The following ZNF385D variants were observed in gnomAD, a reference collection of about 807,000 sequenced individuals.
The protein encoded by ZNF385D is zinc finger protein 385D.
A neutral mutation model predicts 35.8 loss-of-function variants in ZNF385D; 15 were observed. The observed-to-expected ratio is 0.42, with a 90% CI of 0.28 to 0.64. The LOEUF (loss-of-function observed/expected upper bound fraction) is 0.64. Ranked by LOEUF, ZNF385D falls within the 30% of genes least tolerant of loss-of-function variation. The pLI, the probability that ZNF385D is intolerant of heterozygous loss-of-function variation, is 0.23. For missense variants in ZNF385D, 474 were observed against 494.6 expected (o/e 0.96, Z 0.39); for synonymous variants, 212 against 186.8 (o/e 1.13, Z -1.10).
At chr3:21,742,008 C>A (rs1035060319) in intron 1 of ZNF385D, among the ~76,000 whole-genome samples, 1 of 152,208 alleles carries the variant, frequency 6.6e-6, no homozygotes, top group Non-Finnish European at 1.5e-5. Flanking sequence ...TCAGAAATCT[C>A]TGCTGGAATG....
chr3:21,587,051 A>G (rs2063833030), intron 2 of ZNF385D, among the ~76,000 whole-genome samples: 1 of 152,134 alleles, frequency 6.6e-6, no homozygotes, highest in Non-Finnish European at 1.5e-5. Context: ...TTATGTCAGT[A>G]AACGTTTAAA....
At chr3:22,168,783 G>A (rs1179815577) in intron 3 of ZNF385D, 15 of 978,784 alleles carry the variant, frequency 1.5e-5, no homozygotes, top group Non-Finnish European at 1.8e-5. Context: ...AATTGATGAT[G>A]TAAAATTGAG....
intron 2 of ZNF385D, among the ~76,000 whole-genome samples, chr3:22,247,746 A>AG (rs1383578702): frequency 2.0e-5 from 3 of 151,932 alleles, no homozygotes; most frequent in Non-Finnish European, 2.9e-5. Flanking sequence ...CTGGGACTAC[A>AG]GGCACATGCC....
chr3:21,770,321 ATTG>A (rs1259417137), intron 3 of ZNF385D, among the ~76,000 whole-genome samples: 1 of 152,208 alleles, frequency 6.6e-6, no homozygotes. Flanking sequence ...ATGGAAGAAA[ATTG>A]TTGTAATCAA....
At chr3:22,105,845 T>A (rs1228154570) in intron 3 of ZNF385D, among the ~76,000 whole-genome samples, 2 of 152,164 alleles carry the variant, frequency 1.3e-5, no homozygotes, top group African/African-American at 4.8e-5. Context: ...TGGCTGGGCA[T>A]CCTGGGACCT....
At chr3:21,947,588 G>A (rs918144643) in intron 3 of ZNF385D, among the ~76,000 whole-genome samples, 1 of 152,096 alleles carries the variant, frequency 6.6e-6, no homozygotes, top group Non-Finnish European at 1.5e-5. Flanking sequence ...CTGACCTCAC[G>A]AACCGCCCAC....
intron 2 of ZNF385D, among the ~76,000 whole-genome samples, chr3:22,177,505 G>C (rs931773784): frequency 6.6e-6 from 1 of 152,170 alleles, no homozygotes; most frequent in Non-Finnish European, 1.5e-5. Flanking sequence ...TAGGATATTT[G>C]TACATCACAT....
intron 3 of ZNF385D, among the ~76,000 whole-genome samples, chr3:21,843,417 G>A (rs1695804179): frequency 1.3e-5 from 2 of 151,914 alleles, no homozygotes; most frequent in African/African-American, 2.4e-5. Context: ...CAGCCTAAGA[G>A]AAATGCGAGC....
At chr3:21,740,557 C>T (rs893176184) in intron 1 of ZNF385D, among the ~76,000 whole-genome samples, 1 of 152,086 alleles carries the variant, frequency 6.6e-6, no homozygotes, top group Admixed American at 6.5e-5. Context: ...GGAAGGGTTC[C>T]CAGCCATTAG....
chr3:22,240,983 A>G (rs559706946), intron 2 of ZNF385D, among the ~76,000 whole-genome samples: 2 of 151,246 alleles, frequency 1.3e-5, no homozygotes, highest in South Asian at 2.2e-4. Context: ...CAGACTATGA[A>G]TGCCTTCCAC....
intron 3 of ZNF385D, among the ~76,000 whole-genome samples, chr3:22,166,758 G>C (rs1706357957): frequency 1.3e-5 from 2 of 152,090 alleles, no homozygotes; most frequent in South Asian, 2.1e-4. Context: ...CTCTGATTTG[G>C]GTTTCTAAAC....
chr3:21,750,663 A>T (rs966066334), intron 1 of ZNF385D, among the ~76,000 whole-genome samples: 4 of 143,898 alleles, frequency 2.8e-5, no homozygotes, highest in African/African-American at 1.0e-4. Flanking sequence ...CCCCCTCCAC[A>T]TGTCCCTGTC....
intron 3 of ZNF385D, among the ~76,000 whole-genome samples, chr3:21,822,464 A>G (rs1694321106): frequency 6.6e-6 from 1 of 152,236 alleles, no homozygotes; most frequent in South Asian, 2.1e-4. Context: ...ACAGGCACGC[A>G]TGATACTTTG....
chr3:21,837,535 T>C (rs17009698), intron 3 of ZNF385D, among the ~76,000 whole-genome samples: 3,584 of 152,150 alleles, frequency 0.024, 138 homozygotes, highest in African/African-American at 0.079. Flanking sequence ...ACATGTTTTC[T>C]GCAACTTATT....
chr3:22,018,088 A>G lies in ZNF385D; in HGVS notation c.325+150729T>C, dbSNP rs575667301. Among the ~76,000 whole-genome samples the G allele has an allele frequency of 9.2e-5, 14 of 151,904 alleles. No individual in the cohort carries two copies. In the South Asian group the frequency reaches 2.5e-3, roughly 27 times the overall value. On this transcript the variant is annotated intron_variant, in intron 3 of 5. Coordinates refer to the ZNF385D transcript ENST00000494108. Reference sequence around the variant, plus strand: ...TAATAATTAATTATTTTCTGGCTTGATAAGAATTGGACTGTCAGTCAAGTT... The same window carrying G: ...TAATAATTAATTATTTTCTGGCTTGGTAAGAATTGGACTGTCAGTCAAGTT...
At chr3:21,994,692 G>A (rs1027849998) in intron 3 of ZNF385D, among the ~76,000 whole-genome samples, 1 of 152,168 alleles carries the variant, frequency 6.6e-6, no homozygotes, top group South Asian at 2.1e-4. Context: ...GCTTTTACAG[G>A]GAAAGACTTC....
chr3:22,134,454 A>G (rs1703986659), intron 3 of ZNF385D: 1 of 152,176 alleles, frequency 6.6e-6, no homozygotes, highest in Admixed American at 6.6e-5. Flanking sequence ...TAAAACTACT[A>G]GACAGAAAAT....
At chr3:21,989,111 C>T (rs1254283923) in intron 3 of ZNF385D, among the ~76,000 whole-genome samples, 3 of 152,180 alleles carry the variant, frequency 2.0e-5, no homozygotes, top group African/African-American at 7.2e-5. Context: ...AATCACCCGT[C>T]TTCTGCGTCG....
intron 3 of ZNF385D, among the ~76,000 whole-genome samples, chr3:22,131,192 G>A (rs190976154): frequency 9.9e-5 from 15 of 152,220 alleles, no homozygotes; most frequent in African/African-American, 3.6e-4. Context: ...GTCAGGGTGG[G>A]CAATGAGGAA....
Sources: allele counts gnomAD v4.1 joint callset (sites outside exome capture counted in the v4.1 genomes callset), GRCh38; gene constraint gnomAD v4.1.1; transcripts MANE v1.5; gene names NCBI Gene and HGNC (gene_info 2026-07-23, HGNC 2026-07-21).